Variants in NAALADL2 observed in about 807,000 individuals in gnomAD.
NAALADL2 encodes the protein N-acetylated alpha-linked acidic dipeptidase like 2, also known as inactive N-acetylated-alpha-linked acidic dipeptidase-like protein 2.
Under a neutral mutation model 87.2 loss-of-function variants are expected in NAALADL2, and 76 were observed. That is an observed-to-expected ratio of 0.87 (90% CI 0.72 to 1.05). The LOEUF (loss-of-function observed/expected upper bound fraction) is 1.05. Ranked by LOEUF, NAALADL2 falls within the 50% of genes least tolerant of loss-of-function variation. The pLI is 0.00. For synonymous variants in NAALADL2, 354 were observed against 331.0 expected, an observed-to-expected ratio of 1.07 and a Z score of -0.75; for missense variants, 1,089 against 945.8, an observed-to-expected ratio of 1.15 and a Z score of -1.99.
chr3:175,236,593 T>C (rs1047784024), intron 3 of NAALADL2, among the ~76,000 whole-genome samples: 2 of 151,202 alleles, frequency 1.3e-5, no homozygotes, highest in Non-Finnish European at 1.5e-5. Flanking sequence ...GTGGGTATAT[T>C]AACAGATATT....
chr3:174,878,059 T>A (rs1167613158), intron 1 of NAALADL2, among the ~76,000 whole-genome samples: 1 of 152,084 alleles, frequency 6.6e-6, no homozygotes, highest in African/African-American at 2.4e-5. Flanking sequence ...AAAACAGTGA[T>A]ATACATGGAC....
intron 9 of NAALADL2, among the ~76,000 whole-genome samples, chr3:175,529,719 G>A (rs554712596): frequency 2.6e-4 from 40 of 152,284 alleles, no homozygotes; most frequent in African/African-American, 7.2e-4. Flanking sequence ...TTCTTTAGCC[G>A]TAAAGTAAGC....
Position 175,779,980 on chromosome 3 carries a change from TAGTC to T in NAALADL2, c.2190-23022_2190-23019del, listed in dbSNP as rs562327847. Among the ~76,000 whole-genome samples the T allele has an allele frequency of 3.1e-3, 469 of 152,164 alleles. 2 individuals are homozygous for T. Among genetic ancestry groups the T allele is most frequent in the African/African-American group, 7.7e-3 (319 of 41,522 alleles). On this transcript the variant is annotated intron_variant, in intron 13 of 13. Transcript: ENST00000454872. ...CAAAAAAATTTAGAATTTTTCCAAA[TAGTC>T]AGGGCCGGGCGCGGTGGCTCACGCC...
chr3:175,054,292 G>C (rs935817635), intron 1 of NAALADL2, among the ~76,000 whole-genome samples: 59 of 152,168 alleles, frequency 3.9e-4, no homozygotes, highest in African/African-American at 1.3e-3. Flanking sequence ...GTTGTTTACC[G>C]CTGGAATTGT....
At chr3:175,644,885 T>A (rs967014393) in intron 11 of NAALADL2, among the ~76,000 whole-genome samples, 10 of 152,122 alleles carry the variant, frequency 6.6e-5, no homozygotes, top group Non-Finnish European at 1.3e-4. Context: ...GTGATTGCAA[T>A]AGCAAACAAT....
chr3:175,763,269 C>T (rs1430975268), intron 13 of NAALADL2, among the ~76,000 whole-genome samples: 1 of 152,034 alleles, frequency 6.6e-6, no homozygotes, highest in Non-Finnish European at 1.5e-5. Context: ...GCATATTCTC[C>T]TATGTTTTAA....
At chr3:174,759,066 G>A (rs539928344) in intron 3 of NAALADL2, among the ~76,000 whole-genome samples, 3 of 152,072 alleles carry the variant, frequency 2.0e-5, no homozygotes, top group Non-Finnish European at 2.9e-5. Flanking sequence ...TCTTTTGTTG[G>A]TAGAAAGCAT....
intron 11 of NAALADL2, among the ~76,000 whole-genome samples, chr3:175,708,840 TGGAAG>T (rs1740114712): frequency 6.8e-6 from 1 of 147,376 alleles, no homozygotes; most frequent in Non-Finnish European, 1.5e-5. Context: ...AAAAAAAAAA[TGGAAG>T]AGAAGAAATA....
chr3:175,222,822 T>C (rs191836203), intron 2 of NAALADL2, among the ~76,000 whole-genome samples: 1 of 152,124 alleles, frequency 6.6e-6, no homozygotes, highest in East Asian at 1.9e-4. Context: ...TATGAAAAAA[T>C]ATTTTTCAAA....
At chr3:175,514,165 T>G (rs1731534169) in intron 9 of NAALADL2, among the ~76,000 whole-genome samples, 1 of 152,246 alleles carries the variant, frequency 6.6e-6, no homozygotes, top group South Asian at 2.1e-4. Flanking sequence ...TGAATGCTTC[T>G]ATAACCCTTG....
At chr3:175,199,960 A>G (rs1209894117) in intron 2 of NAALADL2, among the ~76,000 whole-genome samples, 1 of 145,170 alleles carries the variant, frequency 6.9e-6, no homozygotes, top group African/African-American at 2.5e-5. Flanking sequence ...AGGTTAACCC[A>G]AAAGCAAATG....
At chr3:175,593,876 A>G (rs952234310) in intron 10 of NAALADL2, among the ~76,000 whole-genome samples, 1 of 152,134 alleles carries the variant, frequency 6.6e-6, no homozygotes, top group African/African-American at 2.4e-5. Context: ...TCTTTTGGGG[A>G]AAACCAATTC....
At chr3:175,758,402 A>G (rs1467131508) in intron 13 of NAALADL2, among the ~76,000 whole-genome samples, 1 of 151,622 alleles carries the variant, frequency 6.6e-6, no homozygotes, top group Non-Finnish European at 1.5e-5. Context: ...TAATTTATAT[A>G]TATTAATTTA....
At chr3:175,302,846 GTA>G (rs59407955) in intron 4 of NAALADL2, among the ~76,000 whole-genome samples, 17 of 143,410 alleles carry the variant, frequency 1.2e-4, no homozygotes, top group South Asian at 4.3e-4. Flanking sequence ...ATATGTGTGT[GTA>G]TGTGTGTGTG....
At chr3:175,766,344 G>A (rs1385219843) in intron 13 of NAALADL2, among the ~76,000 whole-genome samples, 4 of 152,124 alleles carry the variant, frequency 2.6e-5, no homozygotes, top group African/African-American at 9.6e-5. Context: ...GGGGGGCTCA[G>A]TAGACGGGGA....
intron 3 of NAALADL2, among the ~76,000 whole-genome samples, chr3:175,256,147 T>G (rs921308884): frequency 4.6e-5 from 7 of 152,196 alleles, no homozygotes; most frequent in African/African-American, 1.4e-4. Context: ...GTTAGAAGAA[T>G]GAACTGTGTT....
Position 174,605,083 on chromosome 3 carries a change from C to T in NAALADL2, c.-115+54446C>T, listed in dbSNP as rs536134145. Among the ~76,000 whole-genome samples, 9 of 152,246 alleles carry T rather than the reference C, an allele frequency of 5.9e-5. No individual in the cohort carries two copies. The South Asian group carries it at 1.5e-3, about 25-fold the overall frequency. On this transcript the variant is annotated intron_variant, in intron 2 of 3. Coordinates refer to the NAALADL2 transcript ENST00000434257. ...TATGTTTTTTGGTTTCAGTTTACCA[C>T]GTAGCTTGCAAATACCATCTTATAA...
chr3:174,866,782 T>C (rs938972056), intron 1 of NAALADL2, among the ~76,000 whole-genome samples: 1 of 151,798 alleles, frequency 6.6e-6, no homozygotes, highest in Admixed American at 6.6e-5. Flanking sequence ...TTATTTTATA[T>C]GTAGGTAAAT....
intron 1 of NAALADL2, among the ~76,000 whole-genome samples, chr3:174,506,052 G>A (rs185212341): frequency 1.3e-5 from 2 of 152,172 alleles, no homozygotes; most frequent in African/African-American, 4.8e-5. Context: ...GAGAGGGGAG[G>A]AGATGAGATC....
Sources: allele counts gnomAD v4.1 joint callset (sites outside exome capture counted in the v4.1 genomes callset), GRCh38; gene constraint gnomAD v4.1.1; transcripts MANE v1.5; gene names NCBI Gene and HGNC (gene_info 2026-07-23, HGNC 2026-07-21).